Variants in UNKL observed in about 807,000 individuals in gnomAD.
UNKL encodes unk like zinc finger, also known as putative E3 ubiquitin-protein ligase UNKL.
UNKL carries 60 observed loss-of-function variants against 78.0 expected under a neutral mutation model. The observed-to-expected ratio is 0.77, with a 90% CI of 0.63 to 0.95. The LOEUF is 0.95. UNKL is among the 40% of genes least tolerant of loss of function. UNKL has a pLI of 0.00. For synonymous variants in UNKL, 608 were observed against 474.8 expected, an observed-to-expected ratio of 1.28 and a Z score of -3.65; for missense variants, 1,159 against 1,045.7, an observed-to-expected ratio of 1.11 and a Z score of -1.49.
At chr16:1,368,608 CAAAAAAAAA>C (rs757374554) in intron 12 of UNKL, among the ~76,000 whole-genome samples, 3 of 42,144 alleles carry the variant, frequency 7.1e-5, no homozygotes, top group East Asian at 1.4e-3. Flanking sequence ...GACTCCGTCT[CAAAAAAAAA>C]AAAAAAAAAA....
At position 1,387,295 on chromosome 16, in the gene UNKL, G is replaced by C. The variant is rs1013941927; in HGVS notation, c.1087-1910C>G. Among the ~76,000 whole-genome samples, 1 of 152,206 alleles carries C rather than the reference G, an allele frequency of 6.6e-6. No individual in the cohort carries two copies. The highest frequency in any genetic ancestry group is 6.5e-5 in the Admixed American group (1 of 15,278). The stretch of plus-strand genomic sequence containing the variant: ...TCCCCCATGGTGAGCCTGGTGACAG[G>C]GTTGCTGGAAGCCTCATGTTCTCCA... On this transcript the variant is annotated intron_variant, in intron 9 of 14. Transcript: ENST00000389221. The surrounding 1 kb of genome is among the most constrained non-coding windows in gnomAD (Gnocchi z 4.1).
chr16:1,368,894 A>G (rs2035540462), intron 12 of UNKL, among the ~76,000 whole-genome samples: 1 of 151,966 alleles, frequency 6.6e-6, no homozygotes, highest in Admixed American at 6.6e-5. Context: ...TTGTTTTAAA[A>G]AAATAAAAAC....
rs868282205 is a variant in UNKL, at chr16:1,370,247, A to G, written c.1468T>C (p.Ser490Pro). The G allele has an allele frequency of 6.5e-7, 1 of 1,534,654 alleles. No homozygotes were observed. Among genetic ancestry groups the G allele is most frequent in the Non-Finnish European group, 8.7e-7 (1 of 1,142,914 alleles). ...SASTSPLGSL[S>P]QPLPGPVGSS... Reference sequence around the variant, plus strand: ...CCCACCGGCCCTGGGAGGGGCTGGGACAGCGAACCGAGCGGCGAGGTGGAC... The same window carrying G: ...CCCACCGGCCCTGGGAGGGGCTGGGGCAGCGAACCGAGCGGCGAGGTGGAC... Residue 490 changes from serine (S) to proline (P), a missense_variant, in exon 12 of 15, where the codon TCC becomes CCC. By Grantham distance (74) the Ser-to-Pro change is moderately conservative. Coordinates refer to ENST00000389221, the MANE Select transcript of UNKL (RefSeq NM_001372107.1).
intron 10 of UNKL, chr16:1,379,610 T>C (rs2036504197): frequency 2.0e-6 from 2 of 984,932 alleles, no homozygotes; most frequent in Non-Finnish European, 2.4e-6. Flanking sequence ...GGCGCACGGC[T>C]GCCACGCGCT....
intron 12 of UNKL, chr16:1,369,817 A>C: frequency 1.2e-6 from 1 of 865,382 alleles, no homozygotes; most frequent in Non-Finnish European, 1.8e-6. Flanking sequence ...TCTACTAAAA[A>C]TACAAAAACT....
In UNKL at chr16:1,387,319, C is replaced by T. The variant is rs2036856109; in HGVS notation, c.1087-1934G>A. 6.6e-6 allele frequency among the ~76,000 whole-genome samples: 1 copy of T among 152,214 alleles called. No individual in the cohort carries two copies. Among genetic ancestry groups the T allele is most frequent in the African/African-American group, 2.4e-5 (1 of 41,444 alleles). On this transcript the variant is annotated intron_variant, in intron 9 of 14. Coordinates refer to ENST00000389221, the MANE Select transcript of UNKL (RefSeq NM_001372107.1). The surrounding 1 kb of genome is among the most constrained non-coding windows in gnomAD (Gnocchi z 4.1). Reference sequence around the variant, plus strand: ...GGGTTGCTGGAAGCCTCATGTTCTCCAGCAAGCAGCCCAGAAACACTATGG... The same window carrying T: ...GGGTTGCTGGAAGCCTCATGTTCTCTAGCAAGCAGCCCAGAAACACTATGG...
At chr16:1,381,123 C>T (rs939848816) in intron 10 of UNKL, among the ~76,000 whole-genome samples, 7 of 152,200 alleles carry the variant, frequency 4.6e-5, no homozygotes, top group African/African-American at 1.7e-4. Flanking sequence ...GTCAGCTACG[C>T]GGATGCAGCC....
chr16:1,394,803 T>C (rs933902384), intron 6 of UNKL, among the ~76,000 whole-genome samples: 4 of 152,134 alleles, frequency 2.6e-5, no homozygotes, highest in African/African-American at 9.7e-5. Flanking sequence ...GCCTCTCTCC[T>C]GACCTCCGGC....
intron 13 of UNKL, 143 bp downstream of exon 13, chr16:1,367,513 C>G (rs1440517016): frequency 4.2e-5 from 24 of 572,454 alleles, no homozygotes; most frequent in Middle Eastern, 5.5e-4. Context: ...TCCCTCCCTC[C>G]CCCTCCCGTC....
rs2035129423 is a variant in UNKL, at chr16:1,365,030, G to C, written c.*1210C>G. On this transcript the variant is annotated 3_prime_UTR_variant, in exon 15 of 15. Transcript: ENST00000389221. ...TTTTTTTGAGCCAGAGTCTCGCTCT[G>C]TCACCCGGGCTGGAGTGCGGTGGCG... 6.9e-6 allele frequency: 1 copy of C among 145,728 alleles called. No homozygotes were observed. The highest frequency in any genetic ancestry group is 1.5e-5 in the Non-Finnish European group (1 of 67,254). The allele number at this position is 145,728 out of a possible 1,614,324, so 9.0% of individuals were successfully genotyped here. A position where few individuals can be genotyped will look rare whatever the true frequency, so the allele number is the denominator to read the frequency against.
chr16:1,366,334 A>C lies in UNKL; in HGVS notation c.2108T>G (p.Val703Gly). ...VACRERAHGA[V>G]LRPCQHHILC... ...GATGTGGTGCTGACAGGGCCGCAGGACAGCACCGTGGGCCCGCTCCCGGCA... is the reference window on the plus strand; with the variant it reads ...GATGTGGTGCTGACAGGGCCGCAGGCCAGCACCGTGGGCCCGCTCCCGGCA... Residue 703 changes from valine (V) to glycine (G), a missense_variant, in exon 15 of 15, where the codon GTC (valine) becomes GGC (glycine). Val to Gly is a moderately radical substitution (Grantham distance 109, BLOSUM62 -3). Transcript: ENST00000389221. The C allele has an allele frequency of 6.2e-7, 1 of 1,604,486 alleles. No homozygotes were observed. Among genetic ancestry groups the C allele is most frequent in the Non-Finnish European group, 8.5e-7 (1 of 1,176,498 alleles).
At chr16:1,396,868 G>C (rs1467498333) in intron 6 of UNKL, among the ~76,000 whole-genome samples, 1 of 152,180 alleles carries the variant, frequency 6.6e-6, no homozygotes, top group African/African-American at 2.4e-5. Context: ...ACAGGCGTGA[G>C]CTACTGCACC....
intron 10 of UNKL, chr16:1,383,792 CAG>C (rs1415508440): frequency 2.3e-6 from 1 of 442,888 alleles, no homozygotes; most frequent in South Asian, 1.6e-5. Flanking sequence ...TCCAAGTCCC[CAG>C]AGTGTGTCCA....
At chr16:1,405,055 G>C (rs1472771681) in intron 2 of UNKL, among the ~76,000 whole-genome samples, 1 of 152,062 alleles carries the variant, frequency 6.6e-6, no homozygotes. Context: ...TTAGCCCGGC[G>C]TGGTGGTGGA....
In UNKL at chr16:1,380,381, G is replaced by A. The variant is rs564488913; in HGVS notation, c.1264+4827C>T. On this transcript the variant is annotated intron_variant, in intron 10 of 14. Coordinates refer to ENST00000389221, the MANE Select transcript of UNKL (RefSeq NM_001372107.1). ...CGCAGCCAGGCGGGCCTACACCTGGGGCCAGACAGTCCCGGGAGCCATGGG... is the reference window on the plus strand; with the variant it reads ...CGCAGCCAGGCGGGCCTACACCTGGAGCCAGACAGTCCCGGGAGCCATGGG... 9.9e-5 allele frequency among the ~76,000 whole-genome samples: 15 copies of A among 152,268 alleles called. No homozygotes were observed. The South Asian group carries it at 3.1e-3, about 32-fold the overall frequency.
At chr16:1,392,173 C>T (rs1334831809) in intron 8 of UNKL, among the ~76,000 whole-genome samples, 1 of 152,132 alleles carries the variant, frequency 6.6e-6, no homozygotes, top group Non-Finnish European at 1.5e-5. Context: ...GAGTGTGCCA[C>T]CCCAAAACAT....
intron 2 of UNKL, among the ~76,000 whole-genome samples, chr16:1,404,021 CA>C (rs1177852267): frequency 6.6e-6 from 1 of 152,124 alleles, no homozygotes; most frequent in Non-Finnish European, 1.5e-5. Flanking sequence ...AAGCAGCTGC[CA>C]AGGCTCAAGT....
chr16:1,398,678 T>TGCTGG, intron 5 of UNKL: 1 of 1,428,498 alleles, frequency 7.0e-7, no homozygotes, highest in South Asian at 1.4e-5. Flanking sequence ...CTGTGGGGTC[T>TGCTGG]GCACCCCCCC....
At chr16:1,408,269 C>CCG (rs1555460095) in intron 2 of UNKL, among the ~76,000 whole-genome samples, 1 of 152,208 alleles carries the variant, frequency 6.6e-6, no homozygotes. Flanking sequence ...TGCCCCCCCC[C>CCG]CCAACGACCA....
Sources: gnomAD v4.1 joint callset for allele counts (sites outside exome capture counted in the v4.1 genomes callset) on GRCh38, gnomAD v4.1.1 for gene constraint, Gnocchi (gnomAD v3.1) non-coding constraint, MANE v1.5 for transcripts, NCBI Gene and HGNC (gene_info 2026-07-23, HGNC 2026-07-21) for gene names.